Variants in TFAM observed in about 807,000 individuals in gnomAD.
TFAM encodes the protein transcription factor A, mitochondrial, also known as mitochondrial transcription factor 1.
Under a neutral mutation model 30.6 loss-of-function variants are expected in TFAM, and 13 were observed. The ratio of observed to expected loss-of-function variants is 0.42; its 90% CI spans 0.28 to 0.67. The LOEUF is 0.67. TFAM is among the 30% of genes least tolerant of loss of function. TFAM has a pLI of 0.21. For synonymous variants in TFAM, 106 were observed against 94.8 expected (o/e 1.12, Z -0.69); for missense variants, 231 against 293.7 (o/e 0.79, Z 1.56).
At position 58,397,345 on chromosome 10, in the gene TFAM, TTAACA is replaced by T. The variant is rs1840702983; in HGVS notation, c.*2273_*2277del. 6.6e-6 allele frequency: 1 copy of T among 152,178 alleles called. No homozygotes were observed. The highest frequency in any genetic ancestry group is 2.1e-4 in the South Asian group (1 of 4,832). The allele number at this position is 152,178 out of a possible 1,614,324, so 9.4% of individuals were successfully genotyped here. A position where few individuals can be genotyped will look rare whatever the true frequency, so the allele number is the denominator to read the frequency against. ...ATTAACTACCCGTATTATTTTATAC[TTAACA>T]TTCATATCATACCTTCCCAAATATA... On this transcript the variant is annotated 3_prime_UTR_variant, in exon 7 of 7. Coordinates refer to ENST00000487519, the MANE Select transcript of TFAM (RefSeq NM_003201.3).
At chr10:58,386,611 G>T (rs1021550226) in intron 2 of TFAM, 1 of 1,208,792 alleles carries the variant, frequency 8.3e-7, no homozygotes, top group Non-Finnish European at 1.0e-6. Context: ...GTTGCCTTTG[G>T]TCTAGAGGAC....
intron 4 of TFAM, 45 bp from the exon 5 acceptor site, chr10:58,390,720 A>C (rs1271769728): frequency 3.8e-5 from 55 of 1,435,966 alleles, no homozygotes; most frequent in Non-Finnish European, 5.2e-5. Context: ...ATTAAGTCTC[A>C]TGGAGGTTAA....
In TFAM at chr10:58,397,748, T is replaced by C. The variant is rs1420589954; in HGVS notation, c.*2674T>C. Reference sequence around the variant, plus strand: ...CAATGACCACTCATATAAAGTCTTATTTGTGTGTGTGTGTGTGTGTGTGTG... The same window carrying C: ...CAATGACCACTCATATAAAGTCTTACTTGTGTGTGTGTGTGTGTGTGTGTG... On this transcript the variant is annotated 3_prime_UTR_variant, in exon 7 of 7. Coordinates refer to ENST00000487519, the MANE Select transcript of TFAM (RefSeq NM_003201.3). 7.7e-6 allele frequency: 1 copy of C among 129,570 alleles called. No individual in the cohort carries two copies. The highest frequency in any genetic ancestry group is 3.9e-5 in the African/African-American group (1 of 25,738). 8.0% of individuals were successfully genotyped at this position (129,570 alleles called of 1,614,324 possible). A position where few individuals can be genotyped will look rare whatever the true frequency, so the allele number is the denominator to read the frequency against.
At chr10:58,388,870 A>G (rs779865582) in intron 4 of TFAM, 51 bp downstream of exon 4, 16 of 1,466,558 alleles carry the variant, frequency 1.1e-5, no homozygotes, top group South Asian at 2.4e-5. Context: ...TGAGATTTAT[A>G]TAACTATGAA....
Position 58,394,996 on chromosome 10 carries a change from A to T in TFAM, c.663A>T (p.Gln221His). 6.2e-7 allele frequency: 1 copy of T among 1,613,866 alleles called. No individual in the cohort carries two copies. The highest frequency in any genetic ancestry group is 8.5e-7 in the Non-Finnish European group (1 of 1,179,828). ...ATGAAATGAAGTCTTGGGAAGAACA[A>T]ATGATTGAAGTTGGACGAAAGGATC... ...YHNEMKSWEE[Q>H]MIEVGRKDLL... The change falls in exon 7 of 7, where the codon CAA becomes CAT. Residue 221 changes from glutamine to histidine, a missense_variant. Gln to His is a conservative substitution (Grantham distance 24). Transcript: ENST00000487519.
Position 58,395,171 on chromosome 10 carries a change from T to G in TFAM, c.*97T>G. 2.4e-6 allele frequency: 3 copies of G among 1,256,196 alleles called. No individual in the cohort carries two copies. Among genetic ancestry groups the G allele is most frequent in the Non-Finnish European group, 3.4e-6 (3 of 875,018 alleles). The allele number at this position is 1,256,196 out of a possible 1,614,324, so 77.8% of individuals were successfully genotyped here. On this transcript the variant is annotated 3_prime_UTR_variant, in exon 7 of 7. Transcript: ENST00000487519. ...TCGTAAAATTAAGAAAGGATAAAGTTGGTAAACCTTTTATATTTAGTATCT... is the reference window on the plus strand; with the variant it reads ...TCGTAAAATTAAGAAAGGATAAAGTGGGTAAACCTTTTATATTTAGTATCT...
chr10:58,394,871 T>G, intron 6 of TFAM, 57 bp from the exon 7 acceptor site: 2 of 1,520,948 alleles, frequency 1.3e-6, no homozygotes, highest in African/African-American at 1.4e-5. Context: ...CTATTTTAAA[T>G]AATCATTTTA....
rs145518555 is a variant in TFAM, at chr10:58,388,744, T to G, written c.366T>G (p.Thr122=). 1 of 1,613,238 alleles carries G rather than the reference T, an allele frequency of 6.2e-7. No individual in the cohort carries two copies. Among genetic ancestry groups the G allele is most frequent in the African/African-American group, 1.3e-5 (1 of 74,778 alleles). ...EEISRFKEQL[T]PSQIMSLEKE... ...TAAGCAGATTTAAAGAACAGCTAACTCCAAGTCAGATTATGTCTTTGGAAA... is the reference window on the plus strand; with the variant it reads ...TAAGCAGATTTAAAGAACAGCTAACGCCAAGTCAGATTATGTCTTTGGAAA... The change falls in exon 4 of 7, where the codon ACT becomes ACG. Residue 122 remains threonine, a synonymous_variant. Transcript: ENST00000487519.
intron 5 of TFAM, among the ~76,000 whole-genome samples, chr10:58,391,396 G>A (rs527277415): frequency 2.0e-5 from 3 of 152,146 alleles, no homozygotes; most frequent in African/African-American, 7.2e-5. Context: ...ATGGGCAATT[G>A]CTTTTTTTCC....
intron 4 of TFAM, among the ~76,000 whole-genome samples, chr10:58,389,163 G>A (rs115867083): frequency 4.6e-5 from 7 of 152,282 alleles, no homozygotes; most frequent in South Asian, 2.1e-4. Context: ...TTAGAATAAC[G>A]TATTAATTTG....
rs1840705912 is a variant in TFAM, at chr10:58,397,519, AAATAATG to A, written c.*2446_*2452del. The stretch of plus-strand genomic sequence containing the variant: ...GCTTGTATTTGGTTCTCTGTTTCTA[AAATAATG>A]TAATTTTTAATATTTTAAATAATAG... On this transcript the variant is annotated 3_prime_UTR_variant, in exon 7 of 7. Coordinates refer to ENST00000487519, the MANE Select transcript of TFAM (RefSeq NM_003201.3). 5.9e-5 allele frequency: 9 copies of A among 152,098 alleles called. No individual in the cohort carries two copies. Among genetic ancestry groups the A allele is most frequent in the African/African-American group, 9.7e-5 (4 of 41,422 alleles). The allele number at this position is 152,098 out of a possible 1,614,324, so 9.4% of individuals were successfully genotyped here.
rs1218092910 is a variant in TFAM at position 58,388,654 on chromosome 10, G to C, written c.292-16G>C. The C allele has an allele frequency of 6.2e-7, 1 of 1,608,656 alleles. No homozygotes were observed. The highest frequency in any genetic ancestry group is 8.5e-7 in the Non-Finnish European group (1 of 1,177,752). On this transcript the variant is annotated splice_polypyrimidine_tract_variant and intron_variant, in intron 3 of 6. Coordinates refer to ENST00000487519, the MANE Select transcript of TFAM (RefSeq NM_003201.3). ...CAGCAATGGTTTGTTGACTTACTTG[G>C]GTTTTTTATTTATAGATATATCAAG...
rs1840535712 is a variant in TFAM, at chr10:58,388,660, T to TC, written c.292-10_292-9insC. 6.2e-7 allele frequency: 1 copy of TC among 1,613,122 alleles called. No homozygotes were observed. Among genetic ancestry groups the TC allele is most frequent in the African/African-American group, 1.3e-5 (1 of 74,872 alleles). ...TGGTTTGTTGACTTACTTGGGTTTT[T>TC]TATTTATAGATATATCAAGATGCTT... On this transcript the variant is annotated splice_polypyrimidine_tract_variant and intron_variant, in intron 3 of 6. Transcript: ENST00000487519.
rs1391776475 is a variant in TFAM, at chr10:58,385,545, G to T, written c.-3G>T. On this transcript the variant is annotated 5_prime_UTR_variant, in exon 1 of 7. Transcript: ENST00000487519. The stretch of plus-strand genomic sequence containing the variant: ...TCGGGTCACTGCCTCATCCACCGGA[G>T]CGATGGCGTTTCTCCGAAGCATGTG... 6.4e-7 allele frequency: 1 copy of T among 1,560,184 alleles called. No homozygotes were observed. Among genetic ancestry groups the T allele is most frequent in the Non-Finnish European group, 8.7e-7 (1 of 1,151,448 alleles).
Position 58,396,309 on chromosome 10 carries a change from G to C in TFAM, c.*1235G>C, listed in dbSNP as rs556637477. Reference sequence around the variant, plus strand: ...ATGACTACTGTTCCAATGTATTGAAGTGTTGGGATAGTTTTTTCAAATGTT... The same window carrying C: ...ATGACTACTGTTCCAATGTATTGAACTGTTGGGATAGTTTTTTCAAATGTT... On this transcript the variant is annotated 3_prime_UTR_variant, in exon 7 of 7. Transcript: ENST00000487519. 1 of 152,290 alleles carries C rather than the reference G, an allele frequency of 6.6e-6. No individual in the cohort carries two copies. The highest frequency in any genetic ancestry group is 2.1e-4 in the South Asian group (1 of 4,828). The allele number at this position is 152,290 out of a possible 1,614,324, so 9.4% of individuals were successfully genotyped here.
chr10:58,385,699 G>A, intron 1 of TFAM, 51 bp downstream of exon 1: 1 of 1,376,748 alleles, frequency 7.3e-7, no homozygotes, highest in Non-Finnish European at 1.0e-6. Context: ...GGACGTCCCG[G>A]GGTTGGAATG....
chr10:58,392,159 T>G (rs1378356967), intron 5 of TFAM, among the ~76,000 whole-genome samples: 27 of 152,206 alleles, frequency 1.8e-4, no homozygotes, highest in Admixed American at 1.8e-3. Context: ...TTTACTCTGA[T>G]TCTTGTATAG....
chr10:58,389,833 T>G (rs866894886), intron 4 of TFAM, among the ~76,000 whole-genome samples: 1 of 152,330 alleles, frequency 6.6e-6, no homozygotes, highest in African/African-American at 2.4e-5. Context: ...TTATAAAGTT[T>G]CCCTTGTCAT....
chr10:58,390,835 A>G lies in TFAM; in HGVS notation c.512A>G (p.Gln171Arg). 2 of 1,613,296 alleles carry G rather than the reference A, an allele frequency of 1.2e-6. No individual in the cohort carries two copies. Among genetic ancestry groups the G allele is most frequent in the Non-Finnish European group, 8.5e-7 (1 of 1,179,734 alleles). Residue 171 changes from glutamine to arginine, a missense_variant, in exon 5 of 7, where the codon CAA (glutamine) becomes CGA (arginine). Gln to Arg is a conservative substitution (Grantham distance 43). Transcript: ENST00000487519. Reference sequence around the variant, plus strand: ...AACGTTTATGTAGCTGAAAGATTCCAAGAAGCTAAGGGTGATTCACCGCAG... The same window carrying G: ...AACGTTTATGTAGCTGAAAGATTCCGAGAAGCTAAGGGTGATTCACCGCAG... ...AYNVYVAERF[Q>R]EAKGDSPQEK...
Sources: allele counts gnomAD v4.1 joint callset (sites outside exome capture counted in the v4.1 genomes callset), GRCh38; gene constraint gnomAD v4.1.1; transcripts MANE v1.5; gene names NCBI Gene and HGNC (gene_info 2026-07-23, HGNC 2026-07-21).